The following NTRK3 variants were observed in gnomAD, a reference collection of about 807,000 sequenced individuals.
NTRK3 encodes neurotrophic receptor tyrosine kinase 3.
A neutral mutation model predicts 91.7 loss-of-function variants in NTRK3; 24 were observed. The observed-to-expected ratio is 0.26, with a 90% CI of 0.19 to 0.37. NTRK3 has a LOEUF of 0.37. Among genes scored for constraint, NTRK3 ranks in the 10% least tolerant of loss-of-function variants. NTRK3 has a pLI of 1.00. For synonymous variants in NTRK3, 483 were observed against 404.0 expected (o/e 1.20, Z -2.34); for missense variants, 880 against 1,068.9 (o/e 0.82, Z 2.46).
At chr15:88,207,046 C>G (rs887195494) in intron 3 of NTRK3, among the ~76,000 whole-genome samples, 2 of 152,166 alleles carry the variant, frequency 1.3e-5, no homozygotes, top group South Asian at 2.1e-4. Context: ...CAGTCAAACT[C>G]GGAGTCACTG....
At chr15:88,041,196 A>G (rs1205112751) in intron 13 of NTRK3, among the ~76,000 whole-genome samples, 1 of 152,218 alleles carries the variant, frequency 6.6e-6, no homozygotes, top group Non-Finnish European at 1.5e-5. Context: ...TCAGGGTTGG[A>G]CCAGCCCACA....
At chr15:87,989,079 G>A (rs542898235) in intron 14 of NTRK3, among the ~76,000 whole-genome samples, 1 of 152,246 alleles carries the variant, frequency 6.6e-6, no homozygotes, top group South Asian at 2.1e-4. Context: ...TTCAACCATT[G>A]TGGAAGACAG....
chr15:88,248,966 G>GGAAAT (rs2053102459), intron 3 of NTRK3, among the ~76,000 whole-genome samples: 2 of 152,178 alleles, frequency 1.3e-5, no homozygotes, highest in East Asian at 3.8e-4. Context: ...TTATAGATAA[G>GGAAAT]GAAATTGAGA....
chr15:87,912,929 AAAATATATATATATATATAT>A lies in NTRK3; in HGVS notation c.2133+16242_2133+16261del, dbSNP rs1321033913. Reference sequence around the variant, plus strand: ...TGTTCAACTTTTCAAAAAGTAAAAAAAAATATATATATATATATATATATATATATATATATATATATATG... The same window carrying A: ...TGTTCAACTTTTCAAAAAGTAAAAAAATATATATATATATATATATATATG... On this transcript the variant is annotated intron_variant, in intron 17 of 18. Coordinates refer to ENST00000394480, the Ensembl canonical transcript of NTRK3. 3.0e-3 allele frequency among the ~76,000 whole-genome samples: 46 copies of A among 15,088 alleles called. 1 individual carries two copies. Among genetic ancestry groups the A allele is most frequent in the Admixed American group, 7.9e-3 (7 of 882 alleles). The allele number at this position is 15,088 out of a possible 152,430, so 9.9% of individuals were successfully genotyped here. A position where few individuals can be genotyped will look rare whatever the true frequency, so the allele number is the denominator to read the frequency against.
chr15:88,105,696 T>TACAC (rs146323277), intron 13 of NTRK3, among the ~76,000 whole-genome samples: 1 of 151,034 alleles, frequency 6.6e-6, no homozygotes, highest in Non-Finnish European at 1.5e-5. Flanking sequence ...TGAGTGGAAA[T>TACAC]ACACACACAC....
intron 3 of NTRK3, among the ~76,000 whole-genome samples, chr15:88,209,702 A>G (rs529423242): frequency 1.3e-4 from 20 of 152,300 alleles, no homozygotes; most frequent in Non-Finnish European, 2.6e-4. Flanking sequence ...AAGAAACACA[A>G]CCATTGCTAA....
chr15:88,120,478 A>G (rs2052583357), intron 13 of NTRK3, among the ~76,000 whole-genome samples: 3 of 152,230 alleles, frequency 2.0e-5, no homozygotes, highest in Admixed American at 2.0e-4. Flanking sequence ...GTTGCTGATG[A>G]GGCACTTAAG....
intron 6 of NTRK3, among the ~76,000 whole-genome samples, chr15:88,145,373 T>C (rs573050125): frequency 2.2e-4 from 34 of 152,278 alleles, no homozygotes; most frequent in African/African-American, 8.2e-4. Context: ...ATATGATTTT[T>C]TTCTTAGTTA....
intron 3 of NTRK3, among the ~76,000 whole-genome samples, chr15:88,199,683 G>A (rs2048129767): frequency 1.3e-5 from 2 of 152,212 alleles, no homozygotes; most frequent in African/African-American, 4.8e-5. Flanking sequence ...TGCACAAAGT[G>A]GAAACCTCAA....
At chr15:87,913,774 G>A (rs575891724) in intron 17 of NTRK3, among the ~76,000 whole-genome samples, 9 of 152,304 alleles carry the variant, frequency 5.9e-5, no homozygotes, top group African/African-American at 1.7e-4. Flanking sequence ...GCCTCTTTAC[G>A]ATCAGCAGAA....
chr15:87,991,713 TC>T (rs1299786369), intron 14 of NTRK3, among the ~76,000 whole-genome samples: 2 of 152,126 alleles, frequency 1.3e-5, no homozygotes, highest in African/African-American at 2.4e-5. Flanking sequence ...CCTTTCTAAT[TC>T]CCCATATCAA....
chr15:88,082,042 T>C (rs2048091694), intron 13 of NTRK3, among the ~76,000 whole-genome samples: 1 of 152,114 alleles, frequency 6.6e-6, no homozygotes, highest in Non-Finnish European at 1.5e-5. Flanking sequence ...TTTGGGAGGC[T>C]GAGGCAGGCA....
intron 17 of NTRK3, chr15:87,928,847 G>A (rs780432459): frequency 2.8e-4 from 132 of 476,374 alleles, no homozygotes; most frequent in Non-Finnish European, 3.5e-4. Flanking sequence ...ATCAAGTTGG[G>A]TGTGTCTGTG....
At chr15:88,141,859 C>A (rs1304975563) in intron 6 of NTRK3, among the ~76,000 whole-genome samples, 1 of 152,212 alleles carries the variant, frequency 6.6e-6, no homozygotes, top group African/African-American at 2.4e-5. Context: ...TCCTTCCATC[C>A]TTTCCCCCCA....
chr15:87,873,047 A>C (rs1219841205), exon 19 of NTRK3: 5 of 232,758 alleles, frequency 2.1e-5, no homozygotes, highest in Non-Finnish European at 4.2e-5. Context: ...ACTCACTTCT[A>C]CTTCTGAGTT....
intron 5 of NTRK3, among the ~76,000 whole-genome samples, chr15:88,170,780 A>G (rs1437938679): frequency 6.6e-6 from 1 of 152,024 alleles, no homozygotes; most frequent in Non-Finnish European, 1.5e-5. Flanking sequence ...CACTCTGGAA[A>G]GTCAGTTCTA....
At chr15:88,229,244 C>A (rs553021492) in intron 3 of NTRK3, among the ~76,000 whole-genome samples, 5 of 152,338 alleles carry the variant, frequency 3.3e-5, no homozygotes, top group Admixed American at 1.3e-4. Flanking sequence ...TCAACTCTAA[C>A]AACCACCCTG....
exon 19 of NTRK3, chr15:87,867,711 G>T (rs2064722887): frequency 4.4e-6 from 1 of 228,748 alleles, no homozygotes; most frequent in East Asian, 6.2e-5. Context: ...AATTCAATTT[G>T]AGTGTCTGAG....
intron 14 of NTRK3, chr15:87,977,936 C>T (rs1408889604): frequency 8.6e-6 from 2 of 232,584 alleles, no homozygotes; most frequent in Non-Finnish European, 1.7e-5. Context: ...GTGTGCAACA[C>T]CACCCCAAAA....
Sources: allele counts gnomAD v4.1 joint callset (sites outside exome capture counted in the v4.1 genomes callset), GRCh38; gene constraint gnomAD v4.1.1; transcripts MANE v1.5; gene names NCBI Gene and HGNC (gene_info 2026-07-23, HGNC 2026-07-21).